The following TBX22 variants were observed in gnomAD, a reference collection of about 807,000 sequenced individuals.
TBX22 encodes T-box transcription factor 22.
Under a neutral mutation model 30.1 loss-of-function variants are expected in TBX22, and 8 were observed. The observed-to-expected ratio is 0.27, with a 90% confidence interval of 0.16 to 0.48. The LOEUF is 0.48. Ranked by LOEUF, TBX22 falls within the 20% of genes least tolerant of loss-of-function variation. TBX22 has a pLI of 0.99. For missense variants in TBX22, 463 were observed against 400.5 expected (o/e 1.16, Z -1.33); for synonymous variants, 173 against 149.1 (o/e 1.16, Z -1.17).
At chrX:80,022,974 T>C (rs1194719978) in intron 2 of TBX22, 86 bp from the exon 3 acceptor site, 1 of 979,583 alleles carries the variant, frequency 1.0e-6, no homozygotes, top group South Asian at 2.0e-5. Flanking sequence ...CAAGGCCCTG[T>C]CTGCTCCAAG....
intron 1 of TBX22, among the ~76,000 whole-genome samples, chrX:80,019,131 T>C (rs757685591): frequency 3.6e-4 from 40 of 112,001 alleles, no homozygotes; most frequent in Non-Finnish European, 3.2e-4. Flanking sequence ...GAAACCCAGC[T>C]GAAGCTCACT....
intron 1 of TBX22, among the ~76,000 whole-genome samples, chrX:80,018,027 A>C (rs1228984057): frequency 2.7e-5 from 3 of 112,108 alleles, no homozygotes; most frequent in African/African-American, 9.7e-5. Flanking sequence ...TTGTATCTCT[A>C]CTTTTTCTTC....
chrX:80,026,748 G>A lies in TBX22; in HGVS notation c.678G>A (p.Val226=). The change falls in exon 6 of 9, where the codon GTG becomes GTA. Residue 226 remains valine (V), a synonymous_variant. Transcript: ENST00000373296. Reference sequence around the variant, plus strand: ...ATAAGTACAAACCCCGAGTGCACGTGATAGAGCAAGGCAGCAGTGTTGACC... The same window carrying A: ...ATAAGTACAAACCCCGAGTGCACGTAATAGAGCAAGGCAGCAGTGTTGACC... ...SMHKYKPRVH[V]IEQGSSVDLS... 8.3e-7 allele frequency: 1 copy of A among 1,211,406 alleles called. No homozygotes were observed. The highest frequency in any genetic ancestry group is 1.1e-6 in the Non-Finnish European group (1 of 895,097).
intron 7 of TBX22, 148 bp from the exon 8 acceptor site, chrX:80,027,843 G>C: frequency 2.0e-6 from 1 of 506,914 alleles, no homozygotes; most frequent in Non-Finnish European, 3.4e-6. Context: ...TAGAATTCTA[G>C]GTTTGACTGA....
At chrX:80,030,383 TC>T (rs1924188705) in intron 8 of TBX22, 114 bp from the exon 9 acceptor site, 1 of 983,912 alleles carries the variant, frequency 1.0e-6, no homozygotes, top group African/African-American at 1.9e-5. Flanking sequence ...AACTGTGAAC[TC>T]ACAAGGAAAA....
rs917472096 is a variant in TBX22 at position 80,022,375 on chromosome X, C to G, written c.106C>G (p.Arg36Gly). ...AATACAGGCGGAGCAGCCTGAGCTG[C>G]GGGAGAAAAAGGGCGGAGAGGAAGA... ...DPIQAEQPELREKKGGEEEEE... is the reference protein window; with the variant it reads ...DPIQAEQPELGEKKGGEEEEE... The change falls in exon 2 of 9, where the codon CGG becomes GGG. Residue 36 changes from arginine (R) to glycine (G), a missense_variant. Arg to Gly is a moderately radical substitution (Grantham distance 125). Coordinates refer to ENST00000373296, the MANE Select transcript of TBX22 (RefSeq NM_001109878.2). 2 of 1,209,773 alleles carry G rather than the reference C, an allele frequency of 1.7e-6. No homozygotes were observed. The highest frequency in any genetic ancestry group is 2.2e-6 in the Non-Finnish European group (2 of 894,503).
rs944225857 is a variant in TBX22, at chrX:80,031,295, A to G, written c.*184A>G. The G allele has an allele frequency of 1.5e-5, 7 of 456,919 alleles. No homozygotes were observed. The highest frequency in any genetic ancestry group is 2.6e-5 in the Non-Finnish European group (7 of 274,437). 37.7% of individuals were successfully genotyped at this position (456,919 alleles called of 1,213,427 possible). A position where few individuals can be genotyped will look rare whatever the true frequency, so the allele number is the denominator to read the frequency against. On this transcript the variant is annotated 3_prime_UTR_variant, in exon 9 of 9. Transcript: ENST00000373296. ...TTCATGAAGAGTTGTTTATAATGTC[A>G]AATGAAACCTACAGGAATCTCTGAT...
intron 1 of TBX22, 66 bp from the exon 2 acceptor site, chrX:80,022,201 TC>T: frequency 4.6e-6 from 5 of 1,080,424 alleles, no homozygotes; most frequent in Non-Finnish European, 5.1e-6. Flanking sequence ...CGCCTGTGTC[TC>T]CCCCTCCCTC....
Position 80,031,191 on chromosome X carries a change from T to C in TBX22, c.*80T>C, listed in dbSNP as rs1250796444. 3.1e-6 allele frequency: 3 copies of C among 974,612 alleles called. No individual in the cohort carries two copies. The highest frequency in any genetic ancestry group is 4.2e-6 in the Non-Finnish European group (3 of 707,478). The allele number at this position is 974,612 out of a possible 1,213,427, so 80.3% of individuals were successfully genotyped here. On this transcript the variant is annotated 3_prime_UTR_variant, in exon 9 of 9. Transcript: ENST00000373296. ...GTAGCCAAAGAAATTTCAACAGTTA[T>C]TGGGCTTAAAAAGCATCATTACAAT...
At position 80,031,166 on chromosome X, in the gene TBX22, G is replaced by A. The variant is rs1924238098; in HGVS notation, c.*55G>A. On this transcript the variant is annotated 3_prime_UTR_variant, in exon 9 of 9. Transcript: ENST00000373296. ...ATGTAAACAAATATTTTCTTTATTT[G>A]TAGCCAAAGAAATTTCAACAGTTAT... 2.7e-6 allele frequency: 3 copies of A among 1,112,952 alleles called. No homozygotes were observed. Among genetic ancestry groups the A allele is most frequent in the Non-Finnish European group, 3.6e-6 (3 of 821,973 alleles). The allele number at this position is 1,112,952 out of a possible 1,213,427, so 91.7% of individuals were successfully genotyped here.
chrX:80,022,306 G>A lies in TBX22; in HGVS notation c.37G>A (p.Glu13Lys). Residue 13 changes from glutamate to lysine, a missense_variant, in exon 2 of 9, where the codon GAA becomes AAA. By Grantham distance (56) the Glu-to-Lys change is moderately conservative. Transcript: ENST00000373296. Reference protein sequence around the residue: ...LSSRARAFSVEALVGRPSKRK... With the variant: ...LSSRARAFSVKALVGRPSKRK... ...CTCTCGGGCGCGTGCCTTCTCCGTG[G>A]AAGCCTTGGTGGGGAGACCCAGCAA... 1 of 1,211,576 alleles carries A rather than the reference G, an allele frequency of 8.3e-7. No individual in the cohort carries two copies. The highest frequency in any genetic ancestry group is 1.1e-6 in the Non-Finnish European group (1 of 895,478).
At position 80,031,284 on chromosome X, in the gene TBX22, T is replaced by C; in HGVS notation, c.*173T>C. 2.1e-6 allele frequency: 1 copy of C among 484,893 alleles called. No homozygotes were observed. The allele number at this position is 484,893 out of a possible 1,213,427, so 40.0% of individuals were successfully genotyped here. A position where few individuals can be genotyped will look rare whatever the true frequency, so the allele number is the denominator to read the frequency against. On this transcript the variant is annotated 3_prime_UTR_variant, in exon 9 of 9. Transcript: ENST00000373296. ...ATCAAATAATATTCATGAAGAGTTG[T>C]TTATAATGTCAAATGAAACCTACAG...
At chrX:80,024,512 C>A in intron 4 of TBX22, among the ~76,000 whole-genome samples, 1 of 110,218 alleles carries the variant, frequency 9.1e-6, no homozygotes. Context: ...AGAAGGGAAG[C>A]GGGTTGAAGG....
At chrX:80,028,987 G>A (rs748882867) in intron 8 of TBX22, among the ~76,000 whole-genome samples, 7 of 110,188 alleles carry the variant, frequency 6.4e-5, no homozygotes, top group South Asian at 7.7e-4. Context: ...TTACAGTGTC[G>A]ATTTAACTAA....
In TBX22 at chrX:80,027,292, A is replaced by G. The variant is rs1480540426; in HGVS notation, c.835A>G (p.Lys279Glu). The G allele has an allele frequency of 9.0e-7, 1 of 1,107,490 alleles. No homozygotes were observed. The highest frequency in any genetic ancestry group is 1.8e-5 in the African/African-American group (1 of 55,907). The allele number at this position is 1,107,490 out of a possible 1,213,427, so 91.3% of individuals were successfully genotyped here. A position where few individuals can be genotyped will look rare whatever the true frequency, so the allele number is the denominator to read the frequency against. ...AAAAATAGAAAGAAATCCTTTTGCT[A>G]AAGGATTTAGAGATACTGGAAGAAA... ...KLKIERNPFA[K>E]GFRDTGRNRG... The change falls in exon 7 of 9, where the codon AAA (lysine) becomes GAA (glutamate). Residue 279 changes from lysine (K) to glutamate (E), a missense_variant. Coordinates refer to ENST00000373296, the MANE Select transcript of TBX22 (RefSeq NM_001109878.2).
At position 80,022,378 on chromosome X, in the gene TBX22, G is replaced by C; in HGVS notation, c.109G>C (p.Glu37Gln). Residue 37 changes from glutamate to glutamine, a missense_variant, in exon 2 of 9, where the codon GAG becomes CAG. Coordinates refer to ENST00000373296, the MANE Select transcript of TBX22 (RefSeq NM_001109878.2). ...ACAGGCGGAGCAGCCTGAGCTGCGG[G>C]AGAAAAAGGGCGGAGAGGAAGAGGA... ...PIQAEQPELREKKGGEEEEER... is the reference protein window; with the variant it reads ...PIQAEQPELRQKKGGEEEEER... The C allele has an allele frequency of 3.3e-6, 4 of 1,210,099 alleles. No individual in the cohort carries two copies. Among genetic ancestry groups the C allele is most frequent in the Non-Finnish European group, 4.5e-6 (4 of 894,634 alleles).
chrX:80,027,219 C>A, intron 6 of TBX22, 37 bp from the exon 7 acceptor site: 1 of 784,011 alleles, frequency 1.3e-6, no homozygotes, highest in Non-Finnish European at 2.0e-6. Context: ...TTACTGAAAG[C>A]AATGACTTTA....
Position 80,031,594 on chromosome X carries a change from C to T in TBX22, c.*483C>T, listed in dbSNP as rs1337748758. The T allele has an allele frequency of 8.6e-6, 1 of 115,747 alleles. No homozygotes were observed. The highest frequency in any genetic ancestry group is 1.8e-5 in the Non-Finnish European group (1 of 55,650). The allele number at this position is 115,747 out of a possible 1,213,427, so 9.5% of individuals were successfully genotyped here. On this transcript the variant is annotated 3_prime_UTR_variant, in exon 9 of 9. Transcript: ENST00000373296. ...AATTTAATTATTTGTTTGCCTCATG[C>T]CTTTATACTTTGCTGTTGAAGAAAC...
Position 80,020,722 on chromosome X carries a change from A to G in TBX22, c.-2-1546A>G, listed in dbSNP as rs769302747. ...CCACTACCACTGCCATCACAGTGGC[A>G]GGGCACATTTGTACCTAAGTAGCTG... On this transcript the variant is annotated intron_variant, in intron 1 of 8. Coordinates refer to ENST00000373296, the MANE Select transcript of TBX22 (RefSeq NM_001109878.2). Among the ~76,000 whole-genome samples, 39 of 111,770 alleles carry G rather than the reference A, an allele frequency of 3.5e-4. 1 individual carries two copies. Among genetic ancestry groups the G allele is most frequent in the Non-Finnish European group, 6.2e-4 (33 of 53,187 alleles).
Sources: allele counts gnomAD v4.1 joint callset (sites outside exome capture counted in the v4.1 genomes callset), GRCh38; gene constraint gnomAD v4.1.1; transcripts MANE v1.5; gene names NCBI Gene and HGNC (gene_info 2026-07-23, HGNC 2026-07-21).